MPRIP: variants seen among roughly 807,000 people sequenced by gnomAD.
MPRIP encodes myosin phosphatase Rho interacting protein.
Under a neutral mutation model 234.9 loss-of-function variants are expected in MPRIP, and 59 were observed. The observed-to-expected ratio is 0.25, with a 90% CI of 0.20 to 0.31. The LOEUF is 0.31. Ranked by LOEUF, MPRIP falls within the 10% of genes least tolerant of loss-of-function variation. The pLI, the probability that MPRIP is intolerant of heterozygous loss-of-function variation, is 1.00. For missense variants in MPRIP, 2,436 were observed against 3,071.0 expected, an observed-to-expected ratio of 0.79 and a Z score of 4.89; for synonymous variants, 1,144 against 1,263.9, an observed-to-expected ratio of 0.91 and a Z score of 2.01.
chr17:17,085,178 T>TG (rs1454515941), intron 3 of MPRIP, among the ~76,000 whole-genome samples: 3 of 152,134 alleles, frequency 2.0e-5, no homozygotes, highest in African/African-American at 7.2e-5. Flanking sequence ...TCAGTAACTG[T>TG]GGGGTCACCC....
intron 13 of MPRIP, among the ~76,000 whole-genome samples, chr17:17,157,145 A>G (rs1262526513): frequency 2.0e-5 from 3 of 152,156 alleles, no homozygotes; most frequent in African/African-American, 4.8e-5. Flanking sequence ...CTTTGCCTCA[A>G]ACACTCCCAG....
chr17:17,070,031 A>G (rs189174947), intron 1 of MPRIP, among the ~76,000 whole-genome samples: 1 of 152,338 alleles, frequency 6.6e-6, no homozygotes, highest in Admixed American at 6.5e-5. Flanking sequence ...ATAGGATTCT[A>G]GGTTGACAGG....
chr17:17,119,776 T>C (rs2090353530), intron 3 of MPRIP, among the ~76,000 whole-genome samples: 2 of 152,226 alleles, frequency 1.3e-5, no homozygotes, highest in Admixed American at 1.3e-4. Flanking sequence ...CAGACAAAGC[T>C]TTTCATACTC....
At chr17:17,137,748 T>C (rs930619278) in intron 6 of MPRIP, among the ~76,000 whole-genome samples, 168 bp from the exon 7 acceptor site, 1 of 152,034 alleles carries the variant, frequency 6.6e-6, no homozygotes, top group East Asian at 1.9e-4. Flanking sequence ...TTCCCATCCA[T>C]GGTTCTTTCC....
chr17:17,093,906 GC>G (rs913322066), intron 3 of MPRIP, among the ~76,000 whole-genome samples: 2 of 152,134 alleles, frequency 1.3e-5, no homozygotes, highest in African/African-American at 4.8e-5. Context: ...CTGGCTCCTT[GC>G]TCCTACCCAG....
chr17:17,184,152 G>T (rs2046427818), intron 23 of MPRIP, among the ~76,000 whole-genome samples: 1 of 152,236 alleles, frequency 6.6e-6, no homozygotes, highest in African/African-American at 2.4e-5. Flanking sequence ...TAGTTAGTAA[G>T]ATCTCATTCA....
At position 17,188,450 on chromosome 17, in the gene MPRIP, A is replaced by T. The variant is rs1445141394; in HGVS notation, c.*3556A>T. On this transcript the variant is annotated 3_prime_UTR_variant, in exon 24 of 24. Coordinates refer to ENST00000651222, the MANE Select transcript of MPRIP (RefSeq NM_001364716.4). ...TTAGTGAGTTGGAAGGCCCAGCAAG[A>T]ACCTGTTTCTGCAGCAGCCACCAGC... 3 of 152,312 alleles carry T rather than the reference A, an allele frequency of 2.0e-5. No individual in the cohort carries two copies. Among genetic ancestry groups the T allele is most frequent in the Non-Finnish European group, 2.9e-5 (2 of 68,112 alleles). The allele number at this position is 152,312 out of a possible 1,614,324, so 9.4% of individuals were successfully genotyped here. A position where few individuals can be genotyped will look rare whatever the true frequency, so the allele number is the denominator to read the frequency against.
At position 17,095,273 on chromosome 17, in the gene MPRIP, T is replaced by C. The variant is rs372437257; in HGVS notation, c.267+17197T>C. Among the ~76,000 whole-genome samples, 309 of 152,300 alleles carry C rather than the reference T, an allele frequency of 2.0e-3. 13 individuals carry two copies. In the South Asian group the frequency reaches 0.06, roughly 30 times the overall value. On this transcript the variant is annotated intron_variant, in intron 3 of 23. Coordinates refer to ENST00000651222, the MANE Select transcript of MPRIP (RefSeq NM_001364716.4). ...CTGTTTGTTATGGTCTTGGGCTTTC[T>C]CGAATGAGTGGCGACCCTTCAGAAG...
chr17:17,142,003 C>T (rs998944186), intron 7 of MPRIP: 4 of 152,588 alleles, frequency 2.6e-5, no homozygotes, highest in Admixed American at 6.5e-5. Flanking sequence ...GCCTTGTTTT[C>T]TTTCAGGTCT....
At chr17:17,082,537 C>T (rs547893778) in intron 3 of MPRIP, among the ~76,000 whole-genome samples, 6 of 152,058 alleles carry the variant, frequency 3.9e-5, no homozygotes, top group Admixed American at 3.9e-4. Context: ...TCAGGTGATC[C>T]GCCCGCCTCG....
chr17:17,143,511 A>G, intron 8 of MPRIP, 45 bp from the exon 9 acceptor site: 1 of 1,327,620 alleles, frequency 7.5e-7, no homozygotes, highest in Non-Finnish European at 1.0e-6. Flanking sequence ...TCACATGCCC[A>G]CATTGCCCTG....
At chr17:17,136,560 C>T (rs1402910045) in intron 6 of MPRIP, 110 bp downstream of exon 6, 3 of 1,032,956 alleles carry the variant, frequency 2.9e-6, no homozygotes, top group Admixed American at 2.3e-5. Flanking sequence ...AAGCCTGGAC[C>T]TCGATTCCCT....
chr17:17,167,822 G>A lies in MPRIP; in HGVS notation c.6231G>A (p.Met2077Ile). 1 of 1,304,306 alleles carries A rather than the reference G, an allele frequency of 7.7e-7. No individual in the cohort carries two copies. The highest frequency in any genetic ancestry group is 1.2e-5 in the South Asian group (1 of 81,030). The allele number at this position is 1,304,306 out of a possible 1,614,324, so 80.8% of individuals were successfully genotyped here. ...GCATCCAGGAGCTGGAGGCCCAGAT[G>A]GATGTCATGCGGGAGGAGCTGGGAC... Reference protein sequence around the residue: ...RERIQELEAQMDVMREELGHK... With the variant: ...RERIQELEAQIDVMREELGHK... Residue 2077 changes from methionine to isoleucine, a missense_variant, in exon 16 of 24, where the codon ATG becomes ATA. This residue lies in a region of MPRIP where 1,998 missense variants were observed against 2,520.3 expected (regional missense o/e 0.79). Coordinates refer to ENST00000651222, the MANE Select transcript of MPRIP (RefSeq NM_001364716.4). This position sits in a 1 kb window ranked among gnomAD's most constrained non-coding sequence, Gnocchi z 5.9.
chr17:17,065,468 C>T (rs1157914123), intron 1 of MPRIP, among the ~76,000 whole-genome samples: 1 of 140,474 alleles, frequency 7.1e-6, no homozygotes, highest in Non-Finnish European at 1.5e-5. Context: ...TGAATTCTTT[C>T]TGCACCTTTG....
intron 1 of MPRIP, among the ~76,000 whole-genome samples, chr17:17,054,048 A>G (rs1352963553): frequency 6.6e-6 from 1 of 152,266 alleles, no homozygotes. Flanking sequence ...TTCAGGTTAT[A>G]AAAATTAACC....
Position 17,166,332 on chromosome 17 carries a change from G to C in MPRIP, c.4741G>C (p.Asp1581His), listed in dbSNP as rs1467112978. ...GGCCTCGCTGATCAGCCAGATAGCA[G>C]ATTCCCTGAAGAACACAACATCAGA... ...LEASLISQIA[D>H]SLKNTTSDVS... The change falls in exon 16 of 24, where the codon GAT (aspartate) becomes CAT (histidine). Residue 1581 changes from aspartate (D) to histidine (H), a missense_variant. Physicochemically the swap from Asp to His is moderately conservative, Grantham distance 81 (BLOSUM62 -1). Coordinates refer to ENST00000651222, the MANE Select transcript of MPRIP (RefSeq NM_001364716.4). The surrounding 1 kb of genome is among the most constrained non-coding windows in gnomAD (Gnocchi z 4.4). 7.7e-7 allele frequency: 1 copy of C among 1,304,588 alleles called. No homozygotes were observed. Among genetic ancestry groups the C allele is most frequent in the East Asian group, 5.5e-5 (1 of 18,026 alleles). The allele number at this position is 1,304,588 out of a possible 1,614,324, so 80.8% of individuals were successfully genotyped here.
intron 5 of MPRIP, among the ~76,000 whole-genome samples, chr17:17,134,102 G>A (rs2090649002): frequency 6.6e-6 from 1 of 152,212 alleles, no homozygotes; most frequent in Non-Finnish European, 1.5e-5. Context: ...CCACATGTGT[G>A]TCTCCTTCCT....
chr17:17,166,541 G>A lies in MPRIP; in HGVS notation c.4950G>A (p.Gly1650=). The A allele has an allele frequency of 7.7e-7, 1 of 1,304,234 alleles. No individual in the cohort carries two copies. Among genetic ancestry groups the A allele is most frequent in the Non-Finnish European group, 1.0e-6 (1 of 988,966 alleles). 80.8% of individuals were successfully genotyped at this position (1,304,234 alleles called of 1,614,324 possible). A position where few individuals can be genotyped will look rare whatever the true frequency, so the allele number is the denominator to read the frequency against. Residue 1650 remains glycine (G), a synonymous_variant, in exon 16 of 24, where the codon GGG becomes GGA. Transcript: ENST00000651222. The surrounding 1 kb of genome is among the most constrained non-coding windows in gnomAD (Gnocchi z 4.4). ...GGEAVGASGD[G]QQSIPQGLAP... ...AGGCAGTCGGTGCCTCAGGAGACGG[G>A]CAGCAAAGCATCCCACAGGGCCTGG...
chr17:17,134,073 C>T (rs976940857), intron 5 of MPRIP, among the ~76,000 whole-genome samples: 10 of 152,192 alleles, frequency 6.6e-5, no homozygotes, highest in Non-Finnish European at 1.3e-4. Flanking sequence ...CAGTGTGAGC[C>T]CAGCCAGCAC....
Sources: allele counts gnomAD v4.1 joint callset (sites outside exome capture counted in the v4.1 genomes callset), GRCh38; gene constraint gnomAD v4.1.1; regional missense constraint gnomAD v4.1.1; non-coding constraint Gnocchi (gnomAD v3.1); transcripts MANE v1.5; gene names NCBI Gene and HGNC (gene_info 2026-07-23, HGNC 2026-07-21).